The following UBL7 variants were observed in gnomAD, a reference collection of about 807,000 sequenced individuals.
The protein encoded by UBL7 is ubiquitin like 7, also known as ubiquitin-like protein 7.
Under a neutral mutation model 41.7 loss-of-function variants are expected in UBL7, and 21 were observed. The observed-to-expected ratio is 0.50, with a 90% CI of 0.36 to 0.73. UBL7 has a LOEUF of 0.73. Ranked by LOEUF, UBL7 falls within the 30% of genes least tolerant of loss-of-function variation. The probability of loss-of-function intolerance (pLI) is 0.00; values close to 1 mark genes in which losing one functional copy is unlikely to be tolerated. For synonymous variants in UBL7, 157 were observed against 186.9 expected, an observed-to-expected ratio of 0.84 and a Z score of 1.31; for missense variants, 403 against 478.4, an observed-to-expected ratio of 0.84 and a Z score of 1.47.
intron 2 of UBL7, among the ~76,000 whole-genome samples, chr15:74,457,150 T>A (rs768947351): frequency 1.3e-5 from 2 of 152,120 alleles, no homozygotes; most frequent in African/African-American, 2.4e-5. Flanking sequence ...AAATATAAAC[T>A]CATAAAATGG....
intron 3 of UBL7, among the ~76,000 whole-genome samples, chr15:74,453,550 T>C (rs1342621911): frequency 6.6e-6 from 1 of 152,160 alleles, no homozygotes; most frequent in African/African-American, 2.4e-5. Context: ...ATTCCAAGCC[T>C]GAATGAGAAC....
At chr15:74,452,215 AG>A in intron 4 of UBL7, 80 bp downstream of exon 4, 1 of 1,445,494 alleles carries the variant, frequency 6.9e-7, no homozygotes, top group Non-Finnish European at 9.4e-7. Context: ...ACGGGCTTCC[AG>A]CTCCCACTCC....
chr15:74,449,556 G>A (rs962299545), intron 8 of UBL7, 70 bp downstream of exon 8: 1 of 1,610,166 alleles, frequency 6.2e-7, no homozygotes, highest in African/African-American at 1.3e-5. Flanking sequence ...CCAGGTCCCA[G>A]GATGCAGCTC....
intron 6 of UBL7, 38 bp downstream of exon 6, chr15:74,450,762 GGA>G: frequency 6.2e-7 from 1 of 1,607,436 alleles, no homozygotes; most frequent in Non-Finnish European, 8.5e-7. Context: ...CTGAGCACGA[GGA>G]GAGAGAAGGT....
Position 74,446,305 on chromosome 15 carries a change from A to G in UBL7, c.1006-78T>C. The G allele has an allele frequency of 6.4e-7, 1 of 1,564,506 alleles. No individual in the cohort carries two copies. Among genetic ancestry groups the G allele is most frequent in the Non-Finnish European group, 8.7e-7 (1 of 1,150,904 alleles). On this transcript the variant is annotated intron_variant, in intron 10 of 10. Transcript: ENST00000395081. The surrounding 1 kb of genome is among the most constrained non-coding windows in gnomAD (Gnocchi z 4.1). ...TCACTTAGGTCTGTGCTTTCCGGGG[A>G]AGGAAAGGAAGATGGGGGAGTCCTC...
rs1567085831 is a variant in UBL7 at position 74,446,368 on chromosome 15, G to A, written c.1006-141C>T. ...GATGCTGAGTTCCACAGAACACGGT[G>A]CTTCTAGGAAGACTAAAAGATAGGC... On this transcript the variant is annotated intron_variant, in intron 10 of 10. Coordinates refer to ENST00000395081, the MANE Select transcript of UBL7 (RefSeq NM_032907.5). The surrounding 1 kb of genome is among the most constrained non-coding windows in gnomAD (Gnocchi z 4.1). 1.9e-6 allele frequency: 2 copies of A among 1,067,310 alleles called. No homozygotes were observed. Among genetic ancestry groups the A allele is most frequent in the East Asian group, 2.6e-5 (1 of 38,738 alleles). 66.1% of individuals were successfully genotyped at this position (1,067,310 alleles called of 1,614,324 possible). A position where few individuals can be genotyped will look rare whatever the true frequency, so the allele number is the denominator to read the frequency against.
At chr15:74,447,028 G>T (rs1196894421) in intron 10 of UBL7, among the ~76,000 whole-genome samples, 1 of 152,192 alleles carries the variant, frequency 6.6e-6, no homozygotes, top group Non-Finnish European at 1.5e-5. Flanking sequence ...AATGCACACA[G>T]ATCAATTTGA....
At chr15:74,456,433 T>A in intron 3 of UBL7, 119 bp downstream of exon 3, 1 of 1,326,538 alleles carries the variant, frequency 7.5e-7, no homozygotes, top group Non-Finnish European at 1.0e-6. Context: ...ATATCATTTA[T>A]CATCAGCTCA....
intron 2 of UBL7, among the ~76,000 whole-genome samples, chr15:74,458,477 G>T (rs1221592001): frequency 6.6e-6 from 1 of 152,186 alleles, no homozygotes; most frequent in Non-Finnish European, 1.5e-5. Context: ...TGGTGATAAG[G>T]TAGTTCAGTA....
intron 8 of UBL7, 120 bp downstream of exon 8, chr15:74,449,506 C>T: frequency 2.6e-6 from 4 of 1,555,348 alleles, no homozygotes; most frequent in Middle Eastern, 1.8e-4. Context: ...ATGGTCTTGG[C>T]CCCCCAATGG....
At chr15:74,452,898 G>T (rs1173092355) in intron 3 of UBL7, among the ~76,000 whole-genome samples, 1 of 152,160 alleles carries the variant, frequency 6.6e-6, no homozygotes, top group Non-Finnish European at 1.5e-5. Context: ...TTTTAGTTGA[G>T]ATGGGGTTTC....
intron 7 of UBL7, 89 bp from the exon 8 acceptor site, chr15:74,449,764 A>G (rs2061223581): frequency 1.3e-6 from 2 of 1,579,288 alleles, no homozygotes; most frequent in Non-Finnish European, 1.7e-6. Flanking sequence ...CTCCAAATTC[A>G]TATTTTCATC....
At position 74,448,484 on chromosome 15, in the gene UBL7, G is replaced by A; in HGVS notation, c.999C>T (p.Ser333=). The A allele has an allele frequency of 6.2e-7, 1 of 1,613,960 alleles. No individual in the cohort carries two copies. Among genetic ancestry groups the A allele is most frequent in the Non-Finnish European group, 8.5e-7 (1 of 1,179,872 alleles). The change falls in exon 10 of 11, where the codon AGC becomes AGT. Residue 333 remains serine, a synonymous_variant. Transcript: ENST00000395081. ...QHALQASGQP[S]LQSQWQPQLQ... ...AGACGTGGGGAAGACTGACCTGAAG[G>A]CTGGGCTGCCCAGAGGCCTGAAGGG...
At chr15:74,449,458 AG>A (rs1438781243) in intron 8 of UBL7, 105 bp from the exon 9 acceptor site, 1 of 1,530,476 alleles carries the variant, frequency 6.5e-7, no homozygotes, top group African/African-American at 1.4e-5. Context: ...TTAAGTTCCC[AG>A]GTTCAGAAAG....
chr15:74,452,256 T>C, intron 4 of UBL7, 40 bp downstream of exon 4: 1 of 1,538,226 alleles, frequency 6.5e-7, no homozygotes, highest in Non-Finnish European at 8.8e-7. Context: ...GTTCACACCC[T>C]CTCCTACAGT....
At chr15:74,461,163 C>T (rs962927358), upstream of UBL7, 19 of 989,462 alleles carry the variant, frequency 1.9e-5, no homozygotes, top group East Asian at 1.1e-4. Context: ...CTCACTCTGG[C>T]CCTCTCGCCG....
intron 2 of UBL7, 131 bp from the exon 3 acceptor site, chr15:74,456,802 C>T: frequency 8.9e-7 from 1 of 1,121,064 alleles, no homozygotes; most frequent in Non-Finnish European, 1.3e-6. Flanking sequence ...TATTCAATAA[C>T]TTAACAAATA....
At position 74,450,821 on chromosome 15, in the gene UBL7, C is replaced by A; in HGVS notation, c.511G>T (p.Asp171Tyr). The A allele has an allele frequency of 6.2e-7, 1 of 1,613,582 alleles. No individual in the cohort carries two copies. Among genetic ancestry groups the A allele is most frequent in the South Asian group, 1.1e-5 (1 of 91,046 alleles). ...QDKDLFSVFA[D>Y]PNMLDTLVPA... ...ACTTACGTATCAAGCATATTGGGATCAGCGAAGACAGAGAAGAGGTCCTTG... is the reference window on the plus strand; with the variant it reads ...ACTTACGTATCAAGCATATTGGGATAAGCGAAGACAGAGAAGAGGTCCTTG... The change falls in exon 6 of 11, where the codon GAT becomes TAT. Residue 171 changes from aspartate to tyrosine, a missense_variant. Physicochemically the swap from Asp to Tyr is radical, Grantham distance 160 (BLOSUM62 -3). Transcript: ENST00000395081.
chr15:74,452,302 C>G lies in UBL7; in HGVS notation c.381G>C (p.Arg127Ser), dbSNP rs1471137695. 1.3e-6 allele frequency: 2 copies of G among 1,556,944 alleles called. No homozygotes were observed. The highest frequency in any genetic ancestry group is 2.4e-5 in the South Asian group (2 of 84,512). The part of the protein sequence containing the change: ...HTALHSSSSY[R>S]EAVFKMLSNK... Reference sequence around the variant, plus strand: ...GGCCGCAGCACACACTCACCGCCTCCCTGTAAGAGGAGCTGCTGTGCAGGG... The same window carrying G: ...GGCCGCAGCACACACTCACCGCCTCGCTGTAAGAGGAGCTGCTGTGCAGGG... The change falls in exon 4 of 11, where the codon AGG becomes AGC. Residue 127 changes from arginine (R) to serine (S), a missense_variant. Transcript: ENST00000395081.
Sources: gnomAD v4.1 joint callset for allele counts (sites outside exome capture counted in the v4.1 genomes callset) on GRCh38, gnomAD v4.1.1 for gene constraint, Gnocchi (gnomAD v3.1) non-coding constraint, MANE v1.5 for transcripts, NCBI Gene and HGNC (gene_info 2026-07-23, HGNC 2026-07-21) for gene names.